Variants in RBBP6 observed in about 807,000 individuals in gnomAD.
RBBP6 encodes E3 ubiquitin-protein ligase RBBP6.
Under a neutral mutation model 167.7 loss-of-function variants are expected in RBBP6, and 25 were observed. That is an observed-to-expected ratio of 0.15 (90% CI 0.11 to 0.21). The LOEUF (loss-of-function observed/expected upper bound fraction) is 0.21. Ranked by LOEUF, RBBP6 falls within the 10% of genes least tolerant of loss-of-function variation. The pLI, the probability that RBBP6 is intolerant of heterozygous loss-of-function variation, is 1.00. For missense variants in RBBP6, 1,868 were observed against 2,134.2 expected (o/e 0.88, Z 2.46); for synonymous variants, 789 against 735.8 (o/e 1.07, Z -1.17).
chr16:24,561,092 A>G (rs543749228), intron 8 of RBBP6, among the ~76,000 whole-genome samples: 16 of 152,222 alleles, frequency 1.1e-4, no homozygotes, highest in African/African-American at 3.9e-4. Context: ...TAGGTCTCTC[A>G]TTTCCTTGCC....
Position 24,561,866 on chromosome 16 carries a change from C to G in RBBP6, c.994C>G (p.Leu332Val). 6.2e-7 allele frequency: 1 copy of G among 1,613,424 alleles called. No individual in the cohort carries two copies. Among genetic ancestry groups the G allele is most frequent in the African/African-American group, 1.3e-5 (1 of 74,924 alleles). Residue 332 changes from leucine (L) to valine (V), a missense_variant, in exon 10 of 18, where the codon CTA becomes GTA. By Grantham distance (32) the Leu-to-Val change is conservative (BLOSUM62 1). Around this residue, in one of 7 missense-constraint regions of RBBP6, gnomAD observed 245 missense variants for 240.1 expected, o/e 1.02. Transcript: ENST00000319715. ...FKNETGYTKR[L>V]RKQLPPPPPP... ...AAATGAAACTGGCTATACAAAAAGACTACGAAAACAGTTACCTCCTCCACC... is the reference window on the plus strand; with the variant it reads ...AAATGAAACTGGCTATACAAAAAGAGTACGAAAACAGTTACCTCCTCCACC...
rs1415689748 is a variant in RBBP6 at position 24,572,750 on chromosome 16, CT to C, written c.*306del. On this transcript the variant is annotated 3_prime_UTR_variant, in exon 18 of 18. Transcript: ENST00000319715. ...TTTCACATTTGAATTTTTTAATTGCCTGGCAAAAGCTGATATAAGTTCTAAA... is the reference window on the plus strand; with the variant it reads ...TTTCACATTTGAATTTTTTAATTGCCGGCAAAAGCTGATATAAGTTCTAAA... 3 of 229,764 alleles carry C rather than the reference CT, an allele frequency of 1.3e-5. No homozygotes were observed. Among genetic ancestry groups the C allele is most frequent in the African/African-American group, 6.8e-5 (3 of 43,872 alleles). The allele number at this position is 229,764 out of a possible 1,614,324, so 14.2% of individuals were successfully genotyped here.
chr16:24,540,524 T>G lies in RBBP6; in HGVS notation c.-103T>G. On this transcript the variant is annotated 5_prime_UTR_variant, in exon 1 of 18. Transcript: ENST00000319715. The stretch of plus-strand genomic sequence containing the variant: ...GAGGCCTTAGGGTCCTTCGGTGTCT[T>G]TGAGTGTTTTGTGTGTACATATTTT... The G allele has an allele frequency of 8.2e-7, 1 of 1,223,662 alleles. No homozygotes were observed. Among genetic ancestry groups the G allele is most frequent in the Non-Finnish European group, 1.1e-6 (1 of 877,890 alleles). 75.8% of individuals were successfully genotyped at this position (1,223,662 alleles called of 1,614,324 possible).
Position 24,572,848 on chromosome 16 carries a change from C to T in RBBP6, c.*403C>T, listed in dbSNP as rs1899375150. 3.1e-5 allele frequency: 5 copies of T among 161,748 alleles called. No individual in the cohort carries two copies. The highest frequency in any genetic ancestry group is 4.0e-5 in the Non-Finnish European group (3 of 74,458). 10.0% of individuals were successfully genotyped at this position (161,748 alleles called of 1,614,324 possible). A position where few individuals can be genotyped will look rare whatever the true frequency, so the allele number is the denominator to read the frequency against. On this transcript the variant is annotated 3_prime_UTR_variant, in exon 18 of 18. Coordinates refer to ENST00000319715, the MANE Select transcript of RBBP6 (RefSeq NM_006910.5). ...ACTTTTTGATTACAATAAAAGTTTT[C>T]AGTAAACTTTTCAAATGTTGAGTAT...
rs751979757 is a variant in RBBP6 at position 24,568,966 on chromosome 16, G to A, written c.2276G>A (p.Arg759Lys). The change falls in exon 17 of 18, where the codon AGG becomes AAG. Residue 759 changes from arginine to lysine, a missense_variant. This residue lies in a region of RBBP6 where 673 missense variants were observed against 691.5 expected (regional missense o/e 0.97). Transcript: ENST00000319715. ...CATGGATATCATCGATCTAGGTCAA[G>A]GTCACCCCCTTACAGACGCTATCAT... ...RSHGYHRSRSRSPPYRRYHSR... is the reference protein window; with the variant it reads ...RSHGYHRSRSKSPPYRRYHSR... The A allele has an allele frequency of 3.7e-6, 6 of 1,614,172 alleles. No individual in the cohort carries two copies. The African/African-American group carries it at 4.0e-5, about 11-fold the overall frequency.
chr16:24,555,809 T>C lies in RBBP6; in HGVS notation c.438-12T>C, dbSNP rs750416061. 116 of 1,596,142 alleles carry C rather than the reference T, an allele frequency of 7.3e-5. No homozygotes were observed. The highest frequency in any genetic ancestry group is 3.3e-4 in the Middle Eastern group (2 of 6,050). ...GTCCTCGTATACATGTAATTTTTTTTCCCCCTTTTAGTTACATGAAGAAAC... is the reference window on the plus strand; with the variant it reads ...GTCCTCGTATACATGTAATTTTTTTCCCCCCTTTTAGTTACATGAAGAAAC... On this transcript the variant is annotated splice_polypyrimidine_tract_variant and intron_variant, in intron 5 of 17. Coordinates refer to ENST00000319715, the MANE Select transcript of RBBP6 (RefSeq NM_006910.5).
chr16:24,570,512 A>G lies in RBBP6; in HGVS notation c.3809+13A>G. ...TGGATTACACCAGGTAGCTGAGTGT[A>G]GGGGGTGGGTGTGGAACTTTGTTGG... On this transcript the variant is annotated intron_variant, in intron 17 of 17. Coordinates refer to ENST00000319715, the MANE Select transcript of RBBP6 (RefSeq NM_006910.5). 2 of 1,549,604 alleles carry G rather than the reference A, an allele frequency of 1.3e-6. No homozygotes were observed. Among genetic ancestry groups the G allele is most frequent in the African/African-American group, 1.4e-5 (1 of 72,040 alleles).
rs145304258 is a variant in RBBP6 at position 24,571,797 on chromosome 16, G to A, written c.4731G>A (p.Arg1577=). ...KDREKHVLEA[R]NNKESSGNKL... is the part of the protein sequence containing the mutation. ...GTGAGAAGCATGTATTAGAAGCAAG[G>A]AACAATAAAGAGTCAAGTGGCAATA... The change falls in exon 18 of 18, where the codon AGG becomes AGA. Residue 1577 remains arginine (R), a synonymous_variant. Transcript: ENST00000319715. 7.4e-5 allele frequency: 120 copies of A among 1,613,836 alleles called. No individual in the cohort carries two copies. The highest frequency in any genetic ancestry group is 9.9e-5 in the Non-Finnish European group (117 of 1,179,952).
At chr16:24,556,007 C>G (rs1244896568) in intron 6 of RBBP6, 90 bp downstream of exon 6, 1 of 1,167,318 alleles carries the variant, frequency 8.6e-7, no homozygotes, top group Admixed American at 2.1e-5. Context: ...TTAATACTGC[C>G]TTCTGTAGAC....
chr16:24,558,586 C>A, intron 7 of RBBP6: 1 of 783,242 alleles, frequency 1.3e-6, no homozygotes, highest in African/African-American at 1.9e-5. Flanking sequence ...TTGAGATAAA[C>A]ACACTCTGTT....
At position 24,571,309 on chromosome 16, in the gene RBBP6, A is replaced by G; in HGVS notation, c.4243A>G (p.Asn1415Asp). ...AGATTATTCAGTGTTGGAAAAGGAG[A>G]ACCCTGAAAAGAGGAAGAACAGCAC... ...DRDYSVLEKENPEKRKNSTQP... is the reference protein window; with the variant it reads ...DRDYSVLEKEDPEKRKNSTQP... Residue 1415 changes from asparagine (N) to aspartate (D), a missense_variant, in exon 18 of 18, where the codon AAC becomes GAC. By Grantham distance (23) the Asn-to-Asp change is conservative. Transcript: ENST00000319715. 6.2e-7 allele frequency: 1 copy of G among 1,614,046 alleles called. No homozygotes were observed. Among genetic ancestry groups the G allele is most frequent in the Middle Eastern group, 1.7e-4 (1 of 6,060 alleles).
intron 14 of RBBP6, among the ~76,000 whole-genome samples, chr16:24,565,997 C>G (rs1305239371): frequency 6.6e-6 from 1 of 152,122 alleles, no homozygotes; most frequent in Non-Finnish European, 1.5e-5. Flanking sequence ...CTTAGGAAGT[C>G]AAGGCTGCAG....
At position 24,539,928 on chromosome 16, in the gene RBBP6, C is replaced by A. The variant is rs1246586465; in HGVS notation, c.-699C>A. 6.5e-6 allele frequency: 1 copy of A among 153,090 alleles called. No homozygotes were observed. Among genetic ancestry groups the A allele is most frequent in the Non-Finnish European group, 1.5e-5 (1 of 68,146 alleles). 9.5% of individuals were successfully genotyped at this position (153,090 alleles called of 1,614,324 possible). ...GGCTTTGTGTCCGAGGCGGCGGCGG[C>A]GGCGGGGGGAGGCGGAGCCGGGGGC... On this transcript the variant is annotated 5_prime_UTR_variant, in exon 1 of 18. Transcript: ENST00000319715.
chr16:24,549,320 C>A (rs1219243498), intron 3 of RBBP6: 2 of 1,124,928 alleles, frequency 1.8e-6, no homozygotes, highest in African/African-American at 3.2e-5. Flanking sequence ...CTACATTTGT[C>A]TGTCTATAGT....
At chr16:24,541,103 C>G (rs539005082) in intron 1 of RBBP6, among the ~76,000 whole-genome samples, 32 of 144,798 alleles carry the variant, frequency 2.2e-4, no homozygotes, top group Admixed American at 1.4e-3. Context: ...TCTTTGAGTG[C>G]TTGTCTTAGG....
At chr16:24,544,895 C>T (rs1308079498) in intron 1 of RBBP6, among the ~76,000 whole-genome samples, 1 of 152,156 alleles carries the variant, frequency 6.6e-6, no homozygotes, top group East Asian at 1.9e-4. Context: ...TTCTTCATTT[C>T]CTTCATCTCC....
intron 8 of RBBP6, among the ~76,000 whole-genome samples, chr16:24,560,878 T>C (rs1227481773): frequency 2.6e-5 from 4 of 152,146 alleles, no homozygotes; most frequent in Admixed American, 1.3e-4. Flanking sequence ...CTTCAGAGGG[T>C]TCTGGAACCC....
rs372042341 is a variant in RBBP6 at position 24,570,981 on chromosome 16, G to T, written c.3915G>T (p.Ala1305=). ...AAGAATATAATAATGACAATACCGC[G>T]CCAGCTGAAGATGTTATCATTATGA... is the stretch of plus-strand genomic sequence containing the variant. ...TMEEYNNDNT[A]PAEDVIIMIQ... Residue 1305 remains alanine, a synonymous_variant, in exon 18 of 18, where the codon GCG becomes GCT. Transcript: ENST00000319715. The T allele has an allele frequency of 6.2e-7, 1 of 1,611,964 alleles. No homozygotes were observed. The highest frequency in any genetic ancestry group is 8.5e-7 in the Non-Finnish European group (1 of 1,178,266).
intron 1 of RBBP6, among the ~76,000 whole-genome samples, chr16:24,541,658 T>C (rs573306068): frequency 1.3e-5 from 2 of 152,230 alleles, no homozygotes; most frequent in Non-Finnish European, 2.9e-5. Flanking sequence ...ATTTTGATAA[T>C]ATTGGGAACT....
Sources: allele counts gnomAD v4.1 joint callset (sites outside exome capture counted in the v4.1 genomes callset), GRCh38; gene constraint gnomAD v4.1.1; regional missense constraint gnomAD v4.1.1; transcripts MANE v1.5; gene names NCBI Gene and HGNC (gene_info 2026-07-23, HGNC 2026-07-21).